The following DOCK4 variants were observed in gnomAD, a reference collection of about 807,000 sequenced individuals.
DOCK4 encodes dedicator of cytokinesis protein 4.
In DOCK4, 97 loss-of-function variants were observed where a neutral mutation model predicts 268.1. The observed-to-expected ratio is 0.36, with a 90% CI of 0.31 to 0.43. DOCK4 has a LOEUF of 0.43. Ranked by LOEUF, DOCK4 falls within the 20% of genes least tolerant of loss-of-function variation. DOCK4 has a pLI of 1.00. For synonymous variants in DOCK4, 954 were observed against 887.2 expected (o/e 1.08, Z -1.34); for missense variants, 2,145 against 2,455.7 (o/e 0.87, Z 2.67).
At chr7:112,072,794 G>C (rs879694847) in intron 1 of DOCK4, among the ~76,000 whole-genome samples, 1 of 152,218 alleles carries the variant, frequency 6.6e-6, no homozygotes, top group Non-Finnish European at 1.5e-5. Context: ...TGAGCAAGTG[G>C]TCTCACAAAT....
chr7:112,155,142 T>C (rs1042438479), intron 1 of DOCK4, among the ~76,000 whole-genome samples: 1 of 152,148 alleles, frequency 6.6e-6, no homozygotes, highest in Non-Finnish European at 1.5e-5. Flanking sequence ...ATCAGCAGCA[T>C]AGCGCTTTTT....
chr7:111,767,245 T>TTTTTTTTA (rs1261213843), intron 37 of DOCK4, 127 bp from the exon 38 acceptor site: 1 of 656,996 alleles, frequency 1.5e-6, no homozygotes, highest in African/African-American at 1.9e-5. Context: ...TTTTTTTTTT[T>TTTTTTTTA]GAGATGGAGT....
Position 111,808,953 on chromosome 7 carries a change from C to T in DOCK4, c.3108-74G>A, listed in dbSNP as rs988726147. ...GAAGTATTTGTGTGTCTTTAGGATA[C>T]AATCTATCATTCTGAATTACAAGGC... On this transcript the variant is annotated intron_variant, in intron 29 of 52. Transcript: ENST00000428084. 4 of 1,494,246 alleles carry T rather than the reference C, an allele frequency of 2.7e-6. No individual in the cohort carries two copies. In the African/African-American group the frequency reaches 5.5e-5, roughly 21 times the overall value. 92.6% of individuals were successfully genotyped at this position (1,494,246 alleles called of 1,614,324 possible). A position where few individuals can be genotyped will look rare whatever the true frequency, so the allele number is the denominator to read the frequency against.
At chr7:112,052,978 G>A (rs981790410) in intron 1 of DOCK4, among the ~76,000 whole-genome samples, 21 of 151,988 alleles carry the variant, frequency 1.4e-4, no homozygotes, top group South Asian at 4.2e-4. Flanking sequence ...CAAACTCCCC[G>A]GAGTTAAAAA....
intron 11 of DOCK4, among the ~76,000 whole-genome samples, chr7:111,937,745 C>T (rs950971706): frequency 2.0e-5 from 3 of 152,196 alleles, no homozygotes; most frequent in African/African-American, 7.2e-5. Context: ...TGGAAAAATA[C>T]AAATTATTAA....
chr7:112,099,311 A>AC (rs1307368573), intron 1 of DOCK4, among the ~76,000 whole-genome samples: 1 of 151,508 alleles, frequency 6.6e-6, no homozygotes, highest in Non-Finnish European at 1.5e-5. Flanking sequence ...AAAAAAAAAA[A>AC]AAAAAAAGTA....
chr7:111,981,064 T>C (rs2135152414), intron 7 of DOCK4, among the ~76,000 whole-genome samples: 1 of 152,292 alleles, frequency 6.6e-6, no homozygotes, highest in East Asian at 1.9e-4. Flanking sequence ...GAAACTAAAG[T>C]GAGACTTTTT....
chr7:112,020,014 C>T (rs771831742), intron 1 of DOCK4, among the ~76,000 whole-genome samples: 36 of 152,152 alleles, frequency 2.4e-4, no homozygotes, highest in Non-Finnish European at 5.0e-4. Context: ...GTTAAAAATA[C>T]CCAGCATTAT....
At chr7:111,862,840 G>C (rs10085498) in intron 23 of DOCK4, 1 of 152,542 alleles carries the variant, frequency 6.6e-6, no homozygotes, top group East Asian at 1.9e-4. Flanking sequence ...TTTTACTTGG[G>C]AGGCTGATTA....
chr7:112,103,541 CT>C (rs1810872016), intron 1 of DOCK4, among the ~76,000 whole-genome samples: 1 of 152,158 alleles, frequency 6.6e-6, no homozygotes, highest in African/African-American at 2.4e-5. Flanking sequence ...AAGGTTCTGT[CT>C]TGGGAAAGCA....
At chr7:111,853,577 C>T (rs926128701) in intron 23 of DOCK4, among the ~76,000 whole-genome samples, 1 of 152,206 alleles carries the variant, frequency 6.6e-6, no homozygotes, top group African/African-American at 2.4e-5. Context: ...GAGGAAAGGA[C>T]TGCAGATTCA....
intron 1 of DOCK4, among the ~76,000 whole-genome samples, chr7:112,103,129 CAA>C (rs1810837994): frequency 6.6e-6 from 1 of 152,286 alleles, no homozygotes; most frequent in Admixed American, 6.5e-5. Context: ...CAAATAAACT[CAA>C]GTCACATGAA....
rs370884706 is a variant in DOCK4, at chr7:111,964,425, C to T, written c.701+12707G>A. On this transcript the variant is annotated intron_variant, in intron 8 of 52. Coordinates refer to ENST00000428084, the MANE Select transcript of DOCK4 (RefSeq NM_001363540.2). ...TGAAGAATGCAGAAGCCTCAGGAGC[C>T]GATGCGATCAACTGGAAGAAAGGGT... Among the ~76,000 whole-genome samples the T allele has an allele frequency of 8.7e-3, 776 of 89,344 alleles. 2 individuals carry two copies. Among genetic ancestry groups the T allele is most frequent in the Non-Finnish European group, 0.012 (588 of 48,142 alleles). 58.6% of individuals were successfully genotyped at this position (89,344 alleles called of 152,430 possible).
chr7:111,895,526 T>C, intron 16 of DOCK4, 86 bp downstream of exon 16: 1 of 1,152,198 alleles, frequency 8.7e-7, no homozygotes, highest in African/African-American at 1.5e-5. Context: ...TCAGTCATTT[T>C]TTTCTCTTTT....
intron 1 of DOCK4, among the ~76,000 whole-genome samples, chr7:112,050,773 AT>A (rs944729767): frequency 6.6e-6 from 1 of 152,120 alleles, no homozygotes; most frequent in Non-Finnish European, 1.5e-5. Context: ...TTCAATCCCG[AT>A]TTTTTTACTG....
intron 11 of DOCK4, among the ~76,000 whole-genome samples, chr7:111,938,428 T>C (rs779374080): frequency 2.6e-5 from 4 of 152,120 alleles, no homozygotes; most frequent in Non-Finnish European, 5.9e-5. Flanking sequence ...ACCTCCAGAA[T>C]GGAATACGAA....
chr7:111,801,312 G>A (rs907179875), intron 30 of DOCK4, among the ~76,000 whole-genome samples: 2 of 152,110 alleles, frequency 1.3e-5, no homozygotes, highest in African/African-American at 2.4e-5. Flanking sequence ...TCATTTTTCC[G>A]CTGCTCATGC....
chr7:111,859,068 G>C (rs940256447), intron 23 of DOCK4, among the ~76,000 whole-genome samples: 25 of 152,252 alleles, frequency 1.6e-4, no homozygotes, highest in Admixed American at 4.6e-4. Context: ...AGACAGGTGG[G>C]AGTGCAGTGG....
At chr7:111,787,532 C>T (rs887416956) in intron 32 of DOCK4, among the ~76,000 whole-genome samples, 3 of 152,144 alleles carry the variant, frequency 2.0e-5, no homozygotes, top group Non-Finnish European at 4.4e-5. Flanking sequence ...AATCTCTATA[C>T]CCTTCTTGGC....
Sources: gnomAD v4.1 joint callset for allele counts (sites outside exome capture counted in the v4.1 genomes callset) on GRCh38, gnomAD v4.1.1 for gene constraint, MANE v1.5 for transcripts, NCBI Gene and HGNC (gene_info 2026-07-23, HGNC 2026-07-21) for gene names.